Variants in TEX9 observed in about 807,000 individuals in gnomAD.
TEX9 encodes testis expressed 9, also known as testis-expressed protein 9.
Under a neutral mutation model 59.6 loss-of-function variants are expected in TEX9, and 74 were observed. The ratio of observed to expected loss-of-function variants is 1.24; its 90% CI spans 1.03 to 1.51. The LOEUF (loss-of-function observed/expected upper bound fraction) is 1.51. TEX9 is among the 40% of genes most tolerant of loss of function. The pLI, the probability that TEX9 is intolerant of heterozygous loss-of-function variation, is 0.00. For synonymous variants in TEX9, 186 were observed against 152.2 expected, an observed-to-expected ratio of 1.22 and a Z score of -1.64; for missense variants, 522 against 447.8, an observed-to-expected ratio of 1.17 and a Z score of -1.49.
intron 1 of TEX9, among the ~76,000 whole-genome samples, chr15:56,345,344 G>A (rs752445501): frequency 6.6e-6 from 1 of 152,042 alleles, no homozygotes; most frequent in East Asian, 1.9e-4. Context: ...ACCCTAAGAG[G>A]GGAAGGTTAA....
intron 3 of TEX9, among the ~76,000 whole-genome samples, chr15:56,383,335 T>TA (rs2142163829): frequency 6.6e-6 from 1 of 152,336 alleles, no homozygotes; most frequent in African/African-American, 2.4e-5. Flanking sequence ...CTTTCAATGA[T>TA]ATGAAGTTAA....
chr15:56,308,399 C>G (rs2045530687), intron 1 of TEX9, among the ~76,000 whole-genome samples: 1 of 152,048 alleles, frequency 6.6e-6, no homozygotes, highest in South Asian at 2.1e-4. Context: ...TTTGCCCATT[C>G]TTTGATTGAA....
At chr15:56,321,581 T>G (rs79972980) in intron 1 of TEX9, among the ~76,000 whole-genome samples, 2,377 of 152,220 alleles carry the variant, frequency 0.016, 87 homozygotes, top group East Asian at 0.13. Flanking sequence ...GGGAAGGGAA[T>G]TAGCAGGAAC....
chr15:56,456,651 C>T, the TEX9 span: 1 of 932,892 alleles, frequency 1.1e-6, no homozygotes, highest in South Asian at 1.7e-5. Flanking sequence ...TTTTAAAATA[C>T]AAAATGTTGT....
chr15:56,367,357 T>C (rs1462659217), intron 2 of TEX9, among the ~76,000 whole-genome samples: 1 of 152,212 alleles, frequency 6.6e-6, no homozygotes, highest in African/African-American at 2.4e-5. Flanking sequence ...AATATGAAAT[T>C]ATAACAGTAT....
chr15:56,439,456 AT>A (rs1392297542), intron 12 of TEX9, among the ~76,000 whole-genome samples: 1 of 137,506 alleles, frequency 7.3e-6, no homozygotes, highest in East Asian at 2.0e-4. Flanking sequence ...TAAAAAAAAA[AT>A]TTTAAGACTT....
intron 1 of TEX9, among the ~76,000 whole-genome samples, chr15:56,262,947 T>C (rs1178137620): frequency 1.3e-5 from 2 of 152,238 alleles, no homozygotes; most frequent in Non-Finnish European, 2.9e-5. Context: ...GTTTGCATGA[T>C]AATATCTTTA....
At chr15:56,317,125 C>T (rs1275209602) in intron 1 of TEX9, among the ~76,000 whole-genome samples, 4 of 152,230 alleles carry the variant, frequency 2.6e-5, no homozygotes, top group African/African-American at 9.6e-5. Context: ...GTCGCTCACG[C>T]TGGGAGCTGT....
chr15:56,402,553 G>A (rs1335406496), intron 9 of TEX9, among the ~76,000 whole-genome samples: 1 of 152,172 alleles, frequency 6.6e-6, no homozygotes, highest in Non-Finnish European at 1.5e-5. Context: ...AATTCTACCA[G>A]AGGTATAAGG....
chr15:56,421,855 TCAG>T (rs2140234544), intron 10 of TEX9: 1 of 151,742 alleles, frequency 6.6e-6, no homozygotes, highest in South Asian at 2.1e-4. Context: ...TTTTCTTAAT[TCAG>T]TCTATCATTG....
At chr15:56,366,344 T>C (rs922026199) in intron 2 of TEX9, among the ~76,000 whole-genome samples, 1 of 152,216 alleles carries the variant, frequency 6.6e-6, no homozygotes, top group South Asian at 2.1e-4. Flanking sequence ...TTTGATCTTA[T>C]TCCCTCTTCC....
At chr15:56,391,883 TAAAACAATCAAA>T (rs745916556) in intron 7 of TEX9, among the ~76,000 whole-genome samples, 54 of 152,128 alleles carry the variant, frequency 3.5e-4, no homozygotes, top group Non-Finnish European at 6.9e-4. Context: ...TTGCATCAGG[TAAAACAATCAAA>T]TGAGTGTTCT....
chr15:56,266,227 AG>A (rs1300229200), intron 1 of TEX9, among the ~76,000 whole-genome samples: 12 of 151,848 alleles, frequency 7.9e-5, no homozygotes, highest in African/African-American at 2.9e-4. Context: ...CCTGGGTTTA[AG>A]CAATTCTCCT....
intron 4 of TEX9, among the ~76,000 whole-genome samples, chr15:56,387,058 C>A (rs1199440143): frequency 6.6e-6 from 1 of 151,882 alleles, no homozygotes; most frequent in South Asian, 2.1e-4. Flanking sequence ...TTCCTAATAA[C>A]GTAGTATACG....
rs1261087896 is a variant in TEX9, at chr15:56,258,574, T to G, written c.-107+14296T>G. ...TTGTGAATGGAAGTTCACTCATGAT[T>G]TGGCTCTTGGCTTGCCTGTTTTTGG... On this transcript the variant is annotated intron_variant, in intron 1 of 5. Coordinates refer to the TEX9 transcript ENST00000560827. Among the ~76,000 whole-genome samples, 3 of 152,138 alleles carry G rather than the reference T, an allele frequency of 2.0e-5. No homozygotes were observed. In the East Asian group the frequency reaches 5.8e-4, roughly 29 times the overall value.
chr15:56,335,050 G>A (rs2682025), intron 1 of TEX9, among the ~76,000 whole-genome samples: 85,700 of 151,964 alleles, frequency 0.56, 24,416 homozygotes, highest in Non-Finnish European at 0.6. Flanking sequence ...TACACTGTTG[G>A]TGAGAGTGTG....
At position 56,443,823 on chromosome 15, in the gene TEX9, C is replaced by T. The variant is rs1169840036; in HGVS notation, c.*30-1848C>T. ...AACTCTTCTATATACCTTCGCATTG[C>T]ATTCATTTTTTCTAACTTTTGTTGT... On this transcript the variant is annotated intron_variant, in intron 12 of 12. Transcript: ENST00000352903. 3.7e-6 allele frequency: 6 copies of T among 1,604,056 alleles called. No homozygotes were observed. In the South Asian group the frequency reaches 6.8e-5, roughly 18 times the overall value.
intron 1 of TEX9, among the ~76,000 whole-genome samples, chr15:56,289,050 C>T (rs2045023201): frequency 6.6e-6 from 1 of 152,178 alleles, no homozygotes; most frequent in Non-Finnish European, 1.5e-5. Flanking sequence ...GCATTTTCAA[C>T]TCCAGAGTTC....
chr15:56,379,826 A>G (rs1289714367), intron 3 of TEX9, among the ~76,000 whole-genome samples: 1 of 150,840 alleles, frequency 6.6e-6, no homozygotes, highest in Non-Finnish European at 1.5e-5. Flanking sequence ...TTTTGTTTTG[A>G]AATTTATTTT....
Sources: gnomAD v4.1 joint callset for allele counts (sites outside exome capture counted in the v4.1 genomes callset) on GRCh38, gnomAD v4.1.1 for gene constraint, MANE v1.5 for transcripts, NCBI Gene and HGNC (gene_info 2026-07-23, HGNC 2026-07-21) for gene names.